WWC2: variants seen among roughly 807,000 people sequenced by gnomAD.
WWC2 encodes the protein WW and C2 domain containing 2.
Under a neutral mutation model 138.5 loss-of-function variants are expected in WWC2, and 101 were observed. The observed-to-expected ratio is 0.73, with a 90% CI of 0.62 to 0.86. The LOEUF is 0.86. Ranked by LOEUF, WWC2 falls within the 40% of genes least tolerant of loss-of-function variation. The probability of loss-of-function intolerance (pLI) is 0.00; values close to 1 mark genes in which losing one functional copy is unlikely to be tolerated. For synonymous variants in WWC2, 558 were observed against 538.4 expected, an observed-to-expected ratio of 1.04 and a Z score of -0.50; for missense variants, 1,420 against 1,419.4, an observed-to-expected ratio of 1.00 and a Z score of -0.01.
chr4:183,223,405 C>T (rs541435378), intron 4 of WWC2, among the ~76,000 whole-genome samples: 4 of 152,278 alleles, frequency 2.6e-5, no homozygotes, highest in South Asian at 2.1e-4. Flanking sequence ...CCCATATTTC[C>T]GTCACATCTC....
At chr4:183,136,378 CT>C (rs1325816465) in intron 1 of WWC2, among the ~76,000 whole-genome samples, 1 of 152,168 alleles carries the variant, frequency 6.6e-6, no homozygotes, top group Non-Finnish European at 1.5e-5. Context: ...GTCTAATCTG[CT>C]GTGAAACTTC....
chr4:183,116,190 T>G (rs1437542928), intron 1 of WWC2, among the ~76,000 whole-genome samples: 1 of 152,194 alleles, frequency 6.6e-6, no homozygotes, highest in Admixed American at 6.5e-5. Context: ...CATGTTCCAT[T>G]GGTGTGTGTG....
At chr4:183,189,620 T>C (rs1432289486) in intron 1 of WWC2, among the ~76,000 whole-genome samples, 1 of 152,210 alleles carries the variant, frequency 6.6e-6, no homozygotes, top group African/African-American at 2.4e-5. Flanking sequence ...GAGCAGATTC[T>C]GTAGTAATCA....
chr4:183,291,771 G>A (rs1391106754), intron 21 of WWC2, among the ~76,000 whole-genome samples: 4 of 151,810 alleles, frequency 2.6e-5, no homozygotes, highest in African/African-American at 9.7e-5. Flanking sequence ...TTTTTTGACT[G>A]CTATCTAATC....
intron 19 of WWC2, among the ~76,000 whole-genome samples, 187 bp downstream of exon 19, chr4:183,284,577 C>A (rs1312030817): frequency 6.6e-6 from 1 of 152,142 alleles, no homozygotes; most frequent in Non-Finnish European, 1.5e-5. Flanking sequence ...TTTGTTTTTC[C>A]ATCAAATTTA....
At chr4:183,116,811 A>G (rs1043501832) in intron 1 of WWC2, among the ~76,000 whole-genome samples, 8 of 152,238 alleles carry the variant, frequency 5.3e-5, no homozygotes, top group Non-Finnish European at 7.3e-5. Flanking sequence ...AAATTAGGTT[A>G]TAGGCTCTGT....
rs780643810 is a variant in WWC2, at chr4:183,280,829, A to G, written c.2616A>G (p.Glu872=). Residue 872 remains glutamate, a synonymous_variant, in exon 17 of 23, where the codon GAA becomes GAG. Coordinates refer to ENST00000403733, the MANE Select transcript of WWC2 (RefSeq NM_024949.6). ...CATCAGCTGAGTTGTTAGCTGTGGA[A>G]CAAGAATTAGCACAAGAAGAAGAAG... ...ARTSAELLAV[E]QELAQEEEEE... 1.2e-6 allele frequency: 2 copies of G among 1,600,672 alleles called. No individual in the cohort carries two copies. The highest frequency in any genetic ancestry group is 1.7e-6 in the Non-Finnish European group (2 of 1,173,418).
chr4:183,234,221 A>G (rs375276318), intron 4 of WWC2, among the ~76,000 whole-genome samples: 47 of 152,364 alleles, frequency 3.1e-4, no homozygotes, highest in African/African-American at 1.1e-3. Context: ...GTTTTCTGAA[A>G]TAACTGAAAT....
intron 20 of WWC2, among the ~76,000 whole-genome samples, chr4:183,287,737 A>G (rs946835390): frequency 6.6e-6 from 1 of 152,212 alleles, no homozygotes; most frequent in Non-Finnish European, 1.5e-5. Context: ...CAAAGCGCCA[A>G]GTGTGTGAGT....
At chr4:183,215,443 C>T (rs951085323) in intron 4 of WWC2, among the ~76,000 whole-genome samples, 12 of 149,372 alleles carry the variant, frequency 8.0e-5, no homozygotes, top group African/African-American at 1.2e-4. Flanking sequence ...GACTTACATT[C>T]GCAAGAAAAA....
chr4:183,203,335 T>C (rs1254434514), intron 2 of WWC2, among the ~76,000 whole-genome samples: 1 of 152,052 alleles, frequency 6.6e-6, no homozygotes, highest in Admixed American at 6.5e-5. Flanking sequence ...ACCTCAGCCC[T>C]TCTGAGGTAC....
chr4:183,208,761 T>A (rs1411542130), intron 3 of WWC2, among the ~76,000 whole-genome samples, 188 bp from the exon 4 acceptor site: 1 of 151,988 alleles, frequency 6.6e-6, no homozygotes, highest in African/African-American at 2.4e-5. Flanking sequence ...CTTTACAGAG[T>A]TAAAAAAAAT....
Position 183,208,136 on chromosome 4 carries a change from A to G in WWC2, c.425A>G (p.Lys142Arg), listed in dbSNP as rs1225061752. ...CGATTAAATGATGCCTATAAGGAAA[A>G]GTCAAGTTCTCACACAAGCTGTAAG... ...YVRLNDAYKE[K>R]SSSHTSLFSG... Residue 142 changes from lysine to arginine, a missense_variant, in exon 3 of 23, where the codon AAG becomes AGG. Coordinates refer to ENST00000403733, the MANE Select transcript of WWC2 (RefSeq NM_024949.6). 6.2e-7 allele frequency: 1 copy of G among 1,613,686 alleles called. No homozygotes were observed. The highest frequency in any genetic ancestry group is 1.7e-5 in the Admixed American group (1 of 60,000).
At chr4:183,111,331 G>A (rs1482813307) in intron 1 of WWC2, among the ~76,000 whole-genome samples, 1 of 152,204 alleles carries the variant, frequency 6.6e-6, no homozygotes, top group Non-Finnish European at 1.5e-5. Flanking sequence ...TGCATAATTG[G>A]TATGAAGTGG....
At chr4:183,202,231 C>T (rs1735321038) in intron 2 of WWC2, among the ~76,000 whole-genome samples, 1 of 151,854 alleles carries the variant, frequency 6.6e-6, no homozygotes, top group Admixed American at 6.6e-5. Context: ...GGTTTGGAGT[C>T]TGAGTTAGAT....
chr4:183,156,555 C>T (rs1251294866), intron 1 of WWC2, among the ~76,000 whole-genome samples: 1 of 152,112 alleles, frequency 6.6e-6, no homozygotes, highest in Non-Finnish European at 1.5e-5. Flanking sequence ...TGTTTTCGAA[C>T]TCCTGACCTT....
Position 183,184,941 on chromosome 4 carries a change from G to GA in WWC2, c.132-8657dup, listed in dbSNP as rs769518285. The stretch of plus-strand genomic sequence containing the variant: ...AATATTTCATCGTTTTCATAACAGA[G>GA]ATACTTGTAAAGCCTTCAGGTTTAT... On this transcript the variant is annotated intron_variant, in intron 1 of 22. Coordinates refer to ENST00000403733, the MANE Select transcript of WWC2 (RefSeq NM_024949.6). Among the ~76,000 whole-genome samples, 32 of 152,024 alleles carry GA rather than the reference G, an allele frequency of 2.1e-4. 1 individual carries two copies. Among genetic ancestry groups the GA allele is most frequent in the Admixed American group, 1.3e-3 (20 of 15,296 alleles).
intron 1 of WWC2, among the ~76,000 whole-genome samples, chr4:183,186,948 A>G (rs1170128821): frequency 6.6e-6 from 1 of 152,182 alleles, no homozygotes; most frequent in Non-Finnish European, 1.5e-5. Context: ...GATCTTGGTT[A>G]GGCTACCTCG....
intron 1 of WWC2, among the ~76,000 whole-genome samples, chr4:183,126,039 A>G (rs1732746170): frequency 6.6e-6 from 1 of 152,194 alleles, no homozygotes; most frequent in South Asian, 2.1e-4. Flanking sequence ...TAACCCTTAG[A>G]ACAAGTGCCC....
Sources: allele counts gnomAD v4.1 joint callset (sites outside exome capture counted in the v4.1 genomes callset), GRCh38; gene constraint gnomAD v4.1.1; transcripts MANE v1.5; gene names NCBI Gene and HGNC (gene_info 2026-07-23, HGNC 2026-07-21).